The following SPATA22 variants were observed in gnomAD, a reference collection of about 807,000 sequenced individuals.
SPATA22 encodes spermatogenesis-associated protein 22.
A neutral mutation model predicts 47.8 loss-of-function variants in SPATA22; 29 were observed. The ratio of observed to expected loss-of-function variants is 0.61; its 90% CI spans 0.45 to 0.83. SPATA22 has a LOEUF of 0.83. SPATA22 is among the 40% of genes least tolerant of loss of function. The pLI is 0.00. For missense variants in SPATA22, 410 were observed against 421.7 expected (o/e 0.97, Z 0.24); for synonymous variants, 133 against 140.9 (o/e 0.94, Z 0.40).
At chr17:3,441,213 C>G (rs1206170997) in intron 8 of SPATA22, 2 of 151,860 alleles carry the variant, frequency 1.3e-5, no homozygotes, top group East Asian at 3.9e-4. Context: ...TTATCAAAAG[C>G]CATCATCAAG....
chr17:3,476,199 G>A (rs1359412629), upstream of SPATA22: 1 of 1,614,042 alleles, frequency 6.2e-7, no homozygotes, highest in Non-Finnish European at 8.5e-7. Context: ...TATACAAAAG[G>A]TTGCTATCTT....
chr17:3,469,457 C>T (rs567330600), intron 1 of SPATA22, 59 bp from the exon 2 acceptor site: 1 of 639,414 alleles, frequency 1.6e-6, no homozygotes, highest in Non-Finnish European at 2.6e-6. Flanking sequence ...AATCCTCAGC[C>T]CAGTGATTAC....
intron 5 of SPATA22, among the ~76,000 whole-genome samples, chr17:3,457,136 C>T (rs970024803): frequency 6.6e-6 from 1 of 152,074 alleles, no homozygotes; most frequent in Non-Finnish European, 1.5e-5. Context: ...TGAAAATGGG[C>T]ACAAGACAGG....
At chr17:3,492,771 A>C (rs569382625) in intron 1 of SPATA22, among the ~76,000 whole-genome samples, 2 of 152,200 alleles carry the variant, frequency 1.3e-5, no homozygotes, top group East Asian at 1.9e-4. Flanking sequence ...CCCATCAGAC[A>C]TAACAGTAAG....
In SPATA22 at chr17:3,471,665, G is replaced by A. The variant is rs1460116828; in HGVS notation, c.-74+17C>T. The A allele has an allele frequency of 7.1e-6, 7 of 982,742 alleles. No individual in the cohort carries two copies. Among genetic ancestry groups the A allele is most frequent in the Non-Finnish European group, 8.4e-6 (7 of 829,926 alleles). The allele number at this position is 982,742 out of a possible 1,614,324, so 60.9% of individuals were successfully genotyped here. A position where few individuals can be genotyped will look rare whatever the true frequency, so the allele number is the denominator to read the frequency against. ...CTGACCCGCCCACGGAGTGGGGGCA[G>A]TTTGGTATCAACGCACAGTCTTTCC... On this transcript the variant is annotated intron_variant, in intron 1 of 8. Transcript: ENST00000572969.
intron 5 of SPATA22, among the ~76,000 whole-genome samples, chr17:3,451,804 G>A (rs1297406730): frequency 6.6e-6 from 1 of 151,906 alleles, no homozygotes; most frequent in African/African-American, 2.4e-5. Context: ...AAAATTAGGT[G>A]AGTGTGGTGG....
intron 1 of SPATA22, chr17:3,500,510 G>T (rs2073976617): frequency 3.3e-4 from 3 of 9,170 alleles, no homozygotes; most frequent in Middle Eastern, 0.05. Context: ...CTTGTTTTTT[G>T]TTTTTTTTTT....
chr17:3,475,593 G>C (rs769246794), upstream of SPATA22: 1 of 154,238 alleles, frequency 6.5e-6, no homozygotes, highest in Non-Finnish European at 1.4e-5. Context: ...GGTTCAAGAG[G>C]AGGTCTCTGA....
chr17:3,448,308 G>C (rs1251025759), intron 6 of SPATA22, among the ~76,000 whole-genome samples: 2 of 152,220 alleles, frequency 1.3e-5, no homozygotes, highest in Non-Finnish European at 2.9e-5. Flanking sequence ...GTAAACATTT[G>C]TTGGAGGAGA....
chr17:3,513,854 G>T, upstream of SPATA22: 1 of 1,404,966 alleles, frequency 7.1e-7, no homozygotes, highest in Non-Finnish European at 1.0e-6. Flanking sequence ...TCTCTGCACA[G>T]AGTCGGTGAC....
chr17:3,453,588 G>A (rs763126236), intron 5 of SPATA22, among the ~76,000 whole-genome samples: 11 of 152,002 alleles, frequency 7.2e-5, no homozygotes, highest in African/African-American at 2.7e-4. Flanking sequence ...CCAGTACGAC[G>A]CAAGGATGCC....
chr17:3,460,179 T>C (rs1377406688), intron 5 of SPATA22, among the ~76,000 whole-genome samples: 2 of 152,172 alleles, frequency 1.3e-5, no homozygotes, highest in Non-Finnish European at 2.9e-5. Flanking sequence ...CAGAACTGTG[T>C]GTTTTATCCA....
chr17:3,442,088 A>G (rs1046150995), intron 8 of SPATA22, among the ~76,000 whole-genome samples: 6 of 151,962 alleles, frequency 3.9e-5, no homozygotes, highest in African/African-American at 1.2e-4. Context: ...TCACTTTGTG[A>G]TACTTCACAG....
chr17:3,495,239 G>A (rs1434697984), intron 1 of SPATA22, among the ~76,000 whole-genome samples: 2 of 152,214 alleles, frequency 1.3e-5, no homozygotes, highest in African/African-American at 4.8e-5. Context: ...AGATGGAAGA[G>A]AACTGGTGGA....
In SPATA22 at chr17:3,440,489, G is replaced by T. The variant is rs930328621; in HGVS notation, c.901-151C>A. 2.3e-5 allele frequency: 13 copies of T among 559,336 alleles called. No homozygotes were observed. In the East Asian group the frequency reaches 4.1e-4, roughly 18 times the overall value. The allele number at this position is 559,336 out of a possible 1,614,324, so 34.6% of individuals were successfully genotyped here. A position where few individuals can be genotyped will look rare whatever the true frequency, so the allele number is the denominator to read the frequency against. On this transcript the variant is annotated intron_variant, in intron 8 of 8. Coordinates refer to ENST00000572969, the MANE Select transcript of SPATA22 (RefSeq NM_001170698.2). Reference sequence around the variant, plus strand: ...AGGGCCCCACTGCTAACAAGACAATGATAGTTATTCACATATTGGTACCCT... The same window carrying T: ...AGGGCCCCACTGCTAACAAGACAATTATAGTTATTCACATATTGGTACCCT...
At position 3,503,441 on chromosome 17, in the gene SPATA22, C is replaced by T. The variant is rs2074012729; in HGVS notation, c.-74+9971G>A. On this transcript the variant is annotated intron_variant, in intron 1 of 8. Coordinates refer to the SPATA22 transcript ENST00000541913. ...AAAATGTGATTTATCAGCTTTTGTA[C>T]ATAAGATTTACCAAGCTTCCTTCTC... is the stretch of plus-strand genomic sequence containing the variant. The T allele has an allele frequency of 4.6e-5, 7 of 152,166 alleles. No homozygotes were observed. In the South Asian group the frequency reaches 1.4e-3, roughly 32 times the overall value. 9.4% of individuals were successfully genotyped at this position (152,166 alleles called of 1,614,324 possible). A position where few individuals can be genotyped will look rare whatever the true frequency, so the allele number is the denominator to read the frequency against.
chr17:3,480,804 A>G (rs1031983168), intron 1 of SPATA22, among the ~76,000 whole-genome samples: 1 of 152,232 alleles, frequency 6.6e-6, no homozygotes, highest in Non-Finnish European at 1.5e-5. Context: ...TTCAGTTTAC[A>G]CCCAGGCATG....
intron 5 of SPATA22, among the ~76,000 whole-genome samples, chr17:3,458,533 T>C (rs941430741): frequency 2.6e-5 from 4 of 152,124 alleles, no homozygotes; most frequent in African/African-American, 9.7e-5. Flanking sequence ...TCCAGATTCA[T>C]TGCAGTATTA....
intron 5 of SPATA22, among the ~76,000 whole-genome samples, chr17:3,460,792 C>CAAAAAAAAAAAAAAAAA (rs71379504): frequency 1.7e-5 from 1 of 60,098 alleles, no homozygotes; most frequent in Non-Finnish European, 2.8e-5. Context: ...GATCCAGTCT[C>CAAAAAAAAAAAAAAAAA]AAAAAAAAAA....
Sources: gnomAD v4.1 joint callset for allele counts (sites outside exome capture counted in the v4.1 genomes callset) on GRCh38, gnomAD v4.1.1 for gene constraint, MANE v1.5 for transcripts, NCBI Gene and HGNC (gene_info 2026-07-23, HGNC 2026-07-21) for gene names.